The following SMCHD1 variants were observed in gnomAD, a reference collection of about 807,000 sequenced individuals.
SMCHD1 encodes the protein structural maintenance of chromosomes flexible hinge domain-containing protein 1.
SMCHD1 carries 78 observed loss-of-function variants against 254.7 expected under a neutral mutation model. That is an observed-to-expected ratio of 0.31 (90% CI 0.26 to 0.37). SMCHD1 has a LOEUF of 0.37. SMCHD1 is among the 10% of genes least tolerant of loss of function. The pLI is 1.00. For missense variants in SMCHD1, 1,840 were observed against 2,408.1 expected, an observed-to-expected ratio of 0.76 and a Z score of 4.94; for synonymous variants, 766 against 794.9, an observed-to-expected ratio of 0.96 and a Z score of 0.61.
intron 1 of SMCHD1, among the ~76,000 whole-genome samples, chr18:2,656,549 G>C (rs2073064657): frequency 6.6e-6 from 1 of 152,250 alleles, no homozygotes; most frequent in Non-Finnish European, 1.5e-5. Context: ...CTCAGCGTTT[G>C]TTGGCCCTGG....
intron 39 of SMCHD1, 88 bp downstream of exon 39, chr18:2,770,196 T>G: frequency 7.4e-7 from 1 of 1,346,448 alleles, no homozygotes; most frequent in South Asian, 1.4e-5. Context: ...GCTTCCACTT[T>G]CCTAAATTAC....
Position 2,705,707 on chromosome 18 carries a change from A to G in SMCHD1, c.1856A>G (p.Lys619Arg). ...YKAGQLVKTIKTLPLFYGSIV... is the reference protein window; with the variant it reads ...YKAGQLVKTIRTLPLFYGSIV... ...ACTAAATATTAGGTCAAGACAATCAAGACACTTCCCCTCTTTTATGGAAGC... is the reference window on the plus strand; with the variant it reads ...ACTAAATATTAGGTCAAGACAATCAGGACACTTCCCCTCTTTTATGGAAGC... The change falls in exon 14 of 48, where the codon AAG becomes AGG. Residue 619 changes from lysine to arginine, a missense_variant. Lys to Arg is a conservative substitution (Grantham distance 26). Transcript: ENST00000320876. 6.3e-7 allele frequency: 1 copy of G among 1,587,658 alleles called. No homozygotes were observed. Among genetic ancestry groups the G allele is most frequent in the Non-Finnish European group, 8.6e-7 (1 of 1,159,352 alleles).
At chr18:2,694,980 A>G (rs1042913946) in intron 8 of SMCHD1, among the ~76,000 whole-genome samples, 6 of 152,190 alleles carry the variant, frequency 3.9e-5, no homozygotes, top group South Asian at 2.1e-4. Flanking sequence ...ATTGAGCACT[A>G]TATCACTTCC....
In SMCHD1 at chr18:2,705,711, A is replaced by G; in HGVS notation, c.1860A>G (p.Thr620=). The G allele has an allele frequency of 6.3e-7, 1 of 1,591,264 alleles. No individual in the cohort carries two copies. The highest frequency in any genetic ancestry group is 8.6e-7 in the Non-Finnish European group (1 of 1,162,188). The change falls in exon 14 of 48, where the codon ACA becomes ACG. Residue 620 remains threonine, a synonymous_variant. Transcript: ENST00000320876. ...AATATTAGGTCAAGACAATCAAGAC[A>G]CTTCCCCTCTTTTATGGAAGCATAG... is the stretch of plus-strand genomic sequence containing the variant. ...KAGQLVKTIK[T]LPLFYGSIVR...
intron 5 of SMCHD1, among the ~76,000 whole-genome samples, chr18:2,682,629 A>G (rs1381692656): frequency 1.3e-5 from 2 of 152,106 alleles, no homozygotes; most frequent in Admixed American, 6.6e-5. Flanking sequence ...GCCCCCTGAT[A>G]CTTTTTCTTA....
intron 28 of SMCHD1, among the ~76,000 whole-genome samples, chr18:2,743,348 A>G (rs2075386795): frequency 6.6e-6 from 1 of 152,170 alleles, no homozygotes; most frequent in Non-Finnish European, 1.5e-5. Flanking sequence ...GCCAATAAGT[A>G]AGGTGATCAG....
chr18:2,741,052 A>AT (rs1207602123), intron 28 of SMCHD1, among the ~76,000 whole-genome samples: 20 of 152,080 alleles, frequency 1.3e-4, no homozygotes, highest in Non-Finnish European at 2.6e-4. Context: ...TCCCCATACC[A>AT]TATCATTTTG....
At chr18:2,656,969 T>G (rs985519319) in intron 1 of SMCHD1, among the ~76,000 whole-genome samples, 11 of 152,200 alleles carry the variant, frequency 7.2e-5, no homozygotes, top group South Asian at 2.1e-4. Flanking sequence ...TGGTTCGCTT[T>G]GAAAATGAAC....
intron 39 of SMCHD1, among the ~76,000 whole-genome samples, chr18:2,771,294 T>G (rs2075979764): frequency 6.6e-6 from 1 of 152,178 alleles, no homozygotes; most frequent in African/African-American, 2.4e-5. Flanking sequence ...TTACTAGGAG[T>G]TTGCAGTATA....
At chr18:2,768,877 C>G (rs185901837) in intron 37 of SMCHD1, among the ~76,000 whole-genome samples, 1 of 130,382 alleles carries the variant, frequency 7.7e-6, no homozygotes, top group Non-Finnish European at 1.9e-5. Context: ...CATTCAGAAA[C>G]TGATTGGCAG....
Position 2,724,895 on chromosome 18 carries a change from C to G in SMCHD1, c.2604-4C>G, listed in dbSNP as rs2074995801. On this transcript the variant is annotated splice_region_variant and splice_polypyrimidine_tract_variant and intron_variant, in intron 20 of 47. Coordinates refer to ENST00000320876, the MANE Select transcript of SMCHD1 (RefSeq NM_015295.3). ...GGAGTTAAAAAATAATTTTTTTTCC[C>G]CAGTGGTTTATCTTTACATTATGAA... is the stretch of plus-strand genomic sequence containing the variant. 1 of 1,542,168 alleles carries G rather than the reference C, an allele frequency of 6.5e-7. No individual in the cohort carries two copies. Among genetic ancestry groups the G allele is most frequent in the African/African-American group, 1.4e-5 (1 of 73,644 alleles).
chr18:2,740,117 T>C (rs990317478), intron 27 of SMCHD1, among the ~76,000 whole-genome samples: 2 of 151,656 alleles, frequency 1.3e-5, no homozygotes, highest in African/African-American at 4.9e-5. Flanking sequence ...TGGTGTGTAA[T>C]GTTCCCCTCC....
intron 45 of SMCHD1, among the ~76,000 whole-genome samples, chr18:2,790,356 G>C (rs751378715): frequency 1.3e-5 from 2 of 152,050 alleles, no homozygotes. Flanking sequence ...GAAAGACCAC[G>C]TTCATATAGC....
At chr18:2,659,521 G>A (rs1287929012) in intron 1 of SMCHD1, among the ~76,000 whole-genome samples, 2 of 152,180 alleles carry the variant, frequency 1.3e-5, no homozygotes, top group Non-Finnish European at 2.9e-5. Context: ...AGCAGCTGTT[G>A]ACTCACCTGA....
intron 45 of SMCHD1, among the ~76,000 whole-genome samples, chr18:2,788,997 A>G (rs1335902404): frequency 6.6e-6 from 1 of 151,010 alleles, no homozygotes; most frequent in African/African-American, 2.4e-5. Context: ...AATGAATATC[A>G]CAGCTTTGTT....
intron 5 of SMCHD1, among the ~76,000 whole-genome samples, chr18:2,682,486 A>G (rs1395094344): frequency 6.6e-6 from 1 of 151,996 alleles, no homozygotes; most frequent in African/African-American, 2.4e-5. Flanking sequence ...CCACTCCTGA[A>G]AAATTTTGTA....
At chr18:2,680,946 T>G (rs2073909091) in intron 5 of SMCHD1, among the ~76,000 whole-genome samples, 1 of 152,154 alleles carries the variant, frequency 6.6e-6, no homozygotes, top group Non-Finnish European at 1.5e-5. Flanking sequence ...ATATATACAC[T>G]TGTGTATCTC....
intron 41 of SMCHD1, among the ~76,000 whole-genome samples, chr18:2,773,296 A>G (rs369200142): frequency 1.3e-5 from 2 of 152,240 alleles, no homozygotes; most frequent in East Asian, 3.8e-4. Flanking sequence ...AGAAAAAAGC[A>G]GTTCTTTGAT....
At chr18:2,773,615 T>A (rs1176554250) in intron 41 of SMCHD1, among the ~76,000 whole-genome samples, 1 of 152,174 alleles carries the variant, frequency 6.6e-6, no homozygotes, top group Admixed American at 6.6e-5. Context: ...ATACTCTTCC[T>A]GGCATTTATT....
Sources: allele counts gnomAD v4.1 joint callset (sites outside exome capture counted in the v4.1 genomes callset), GRCh38; gene constraint gnomAD v4.1.1; transcripts MANE v1.5; gene names NCBI Gene and HGNC (gene_info 2026-07-23, HGNC 2026-07-21).